SPRED1: variants seen among roughly 807,000 people sequenced by gnomAD.
SPRED1 encodes the protein sprouty-related, EVH1 domain-containing protein 1.
A neutral mutation model predicts 52.3 loss-of-function variants in SPRED1; 18 were observed. That is an observed-to-expected ratio of 0.34 (90% confidence interval 0.24 to 0.51). The LOEUF is 0.51. Ranked by LOEUF, SPRED1 falls within the 20% of genes least tolerant of loss-of-function variation. The probability of loss-of-function intolerance (pLI) is 0.97; values close to 1 mark genes in which losing one functional copy is unlikely to be tolerated. For missense variants in SPRED1, 485 were observed against 551.0 expected (o/e 0.88, Z 1.20); for synonymous variants, 155 against 179.7 (o/e 0.86, Z 1.10).
At chr15:38,336,827 G>A (rs571325995) in intron 4 of SPRED1, among the ~76,000 whole-genome samples, 2 of 152,026 alleles carry the variant, frequency 1.3e-5, no homozygotes, top group East Asian at 3.9e-4. Flanking sequence ...CTACACATTG[G>A]GTACAGTGTA....
Position 38,326,524 on chromosome 15 carries a change from T to G in SPRED1, c.423+1715T>G, listed in dbSNP as rs76747446. Among the ~76,000 whole-genome samples the G allele has an allele frequency of 9.2e-5, 14 of 152,308 alleles. No individual in the cohort carries two copies. In the East Asian group the frequency reaches 2.5e-3, roughly 27 times the overall value. On this transcript the variant is annotated intron_variant, in intron 4 of 6. Coordinates refer to ENST00000299084, the MANE Select transcript of SPRED1 (RefSeq NM_152594.3). ...GAGTGTAAATTCCTTTGTTAAGACC[T>G]CAGGAGGATTTAAGATGAACCTCAG...
intron 2 of SPRED1, among the ~76,000 whole-genome samples, chr15:38,318,665 T>TA (rs1224250204): frequency 1.3e-5 from 2 of 152,162 alleles, no homozygotes; most frequent in Non-Finnish European, 2.9e-5. Context: ...AGCTCCCTCT[T>TA]ATAAGTAAGA....
Position 38,322,257 on chromosome 15 carries a change from T to C in SPRED1, c.224T>C (p.Met75Thr). The part of the protein sequence containing the change: ...LRDKMVVLEC[M>T]LKKDLIYNKV... ...TTTTGTCAGGTGGTTTTGGAATGTA[T>C]GCTTAAAAAAGACCTCATTTATAAT... Residue 75 changes from methionine (M) to threonine (T), a missense_variant, in exon 3 of 7, where the codon ATG becomes ACG. Around this residue, in one of 5 missense-constraint regions of SPRED1, gnomAD observed 232 missense variants for 231.8 expected, o/e 1.00. Transcript: ENST00000299084. 1 of 1,613,822 alleles carries C rather than the reference T, an allele frequency of 6.2e-7. No individual in the cohort carries two copies. The highest frequency in any genetic ancestry group is 1.1e-5 in the South Asian group (1 of 91,076).
rs886051115 is a variant in SPRED1 at position 38,354,507 on chromosome 15, A to C, written c.*2843A>C. 9 of 152,180 alleles carry C rather than the reference A, an allele frequency of 5.9e-5. No individual in the cohort carries two copies. The highest frequency in any genetic ancestry group is 1.0e-4 in the Non-Finnish European group (7 of 68,018). 9.4% of individuals were successfully genotyped at this position (152,180 alleles called of 1,614,324 possible). Reference sequence around the variant, plus strand: ...GAAGAAGTATGTCGTGTGGAGCTTCAGCACCACCTACTGGATGATTTCCAG... The same window carrying C: ...GAAGAAGTATGTCGTGTGGAGCTTCCGCACCACCTACTGGATGATTTCCAG... On this transcript the variant is annotated 3_prime_UTR_variant, in exon 7 of 7. Transcript: ENST00000299084.
At chr15:38,265,190 C>G (rs188628117) in intron 1 of SPRED1, among the ~76,000 whole-genome samples, 1 of 152,156 alleles carries the variant, frequency 6.6e-6, no homozygotes, top group Admixed American at 6.5e-5. Flanking sequence ...TGGCAAATAA[C>G]ATAACCTGTC....
chr15:38,336,995 C>T (rs1322443324), intron 4 of SPRED1, among the ~76,000 whole-genome samples: 1 of 152,126 alleles, frequency 6.6e-6, no homozygotes, highest in East Asian at 1.9e-4. Context: ...GTGCCTAAAG[C>T]TTTTTCCATT....
Position 38,316,748 on chromosome 15 carries a change from G to GGTTTTTTTTTTT in SPRED1, c.208-5493_208-5492insGTTTTTTTTTTT. 1.2e-3 allele frequency among the ~76,000 whole-genome samples: 51 copies of GGTTTTTTTTTTT among 41,906 alleles called. 9 individuals are homozygous for GGTTTTTTTTTTT. Among genetic ancestry groups the GGTTTTTTTTTTT allele is most frequent in the East Asian group, 7.6e-3 (5 of 654 alleles). 27.5% of individuals were successfully genotyped at this position (41,906 alleles called of 152,430 possible). A position where few individuals can be genotyped will look rare whatever the true frequency, so the allele number is the denominator to read the frequency against. ...TCTAGTTTACAATTTTCCATTATAT[G>GGTTTTTTTTTTT]TTTTTTTTTTTTTTTTTTTTTTTTG... On this transcript the variant is annotated intron_variant, in intron 2 of 6. Coordinates refer to ENST00000299084, the MANE Select transcript of SPRED1 (RefSeq NM_152594.3).
intron 1 of SPRED1, among the ~76,000 whole-genome samples, chr15:38,293,680 C>G (rs1894970538): frequency 6.6e-6 from 1 of 152,134 alleles, no homozygotes; most frequent in Non-Finnish European, 1.5e-5. Context: ...CCTGTGGTCT[C>G]TTTATCGTGA....
At chr15:38,269,398 A>G (rs1446315392) in intron 1 of SPRED1, among the ~76,000 whole-genome samples, 1 of 152,160 alleles carries the variant, frequency 6.6e-6, no homozygotes, top group Admixed American at 6.5e-5. Flanking sequence ...GCCTGCCGCC[A>G]TGCCCAGTAA....
Position 38,255,565 on chromosome 15 carries a change from T to C in SPRED1, c.32+2348T>C, listed in dbSNP as rs570292582. 7.2e-5 allele frequency among the ~76,000 whole-genome samples: 11 copies of C among 152,322 alleles called. No individual in the cohort carries two copies. The South Asian group carries it at 1.9e-3, about 26-fold the overall frequency. On this transcript the variant is annotated intron_variant, in intron 1 of 6. Coordinates refer to ENST00000299084, the MANE Select transcript of SPRED1 (RefSeq NM_152594.3). The stretch of plus-strand genomic sequence containing the variant: ...ATAATCAGTTTTACTAGAGCCAGCA[T>C]TGTTTGCTTGTGCATTAGATAAACC...
intron 2 of SPRED1, among the ~76,000 whole-genome samples, chr15:38,319,978 A>G (rs1448223913): frequency 2.0e-5 from 3 of 152,212 alleles, no homozygotes; most frequent in Non-Finnish European, 4.4e-5. Flanking sequence ...AGAAATGAGC[A>G]GCAGTGTGGC....
intron 1 of SPRED1, among the ~76,000 whole-genome samples, chr15:38,255,290 A>G (rs1349735670): frequency 6.6e-6 from 1 of 152,042 alleles, no homozygotes; most frequent in Non-Finnish European, 1.5e-5. Context: ...TTTTTTTTTC[A>G]TCTAAATGTA....
intron 1 of SPRED1, among the ~76,000 whole-genome samples, chr15:38,277,816 G>A (rs1894590014): frequency 6.6e-6 from 1 of 151,990 alleles, no homozygotes; most frequent in Non-Finnish European, 1.5e-5. Flanking sequence ...TTCTGCTGGT[G>A]TGAAATGGTA....
chr15:38,258,009 C>G (rs938818110), intron 1 of SPRED1, among the ~76,000 whole-genome samples: 1 of 152,158 alleles, frequency 6.6e-6, no homozygotes, highest in Non-Finnish European at 1.5e-5. Context: ...TCAGTAGGAA[C>G]AGGAACGACA....
At chr15:38,329,046 T>G (rs1370212226) in intron 4 of SPRED1, among the ~76,000 whole-genome samples, 1 of 152,142 alleles carries the variant, frequency 6.6e-6, no homozygotes. Context: ...TGTTGTTTAA[T>G]GCTAGCTTAT....
chr15:38,299,295 G>A (rs781022987), intron 1 of SPRED1, 78 bp from the exon 2 acceptor site: 22 of 1,475,842 alleles, frequency 1.5e-5, no homozygotes, highest in Non-Finnish European at 1.9e-5. Flanking sequence ...GTGTTCTTTG[G>A]TTTCTCAAAC....
intron 1 of SPRED1, among the ~76,000 whole-genome samples, chr15:38,293,446 T>A (rs1894965968): frequency 6.6e-6 from 1 of 152,178 alleles, no homozygotes; most frequent in Non-Finnish European, 1.5e-5. Context: ...AACCTAGATC[T>A]GACTTGTTAT....
At chr15:38,270,597 G>A (rs1414254898) in intron 1 of SPRED1, among the ~76,000 whole-genome samples, 2 of 152,056 alleles carry the variant, frequency 1.3e-5, no homozygotes, top group Non-Finnish European at 2.9e-5. Flanking sequence ...GAGCCAAGTG[G>A]GAAGTGCTAC....
intron 1 of SPRED1, among the ~76,000 whole-genome samples, chr15:38,276,348 G>A (rs1440916018): frequency 1.3e-5 from 2 of 151,320 alleles, no homozygotes; most frequent in African/African-American, 2.4e-5. Flanking sequence ...ATATAAATAT[G>A]CGGAAGTGTT....
Sources: allele counts gnomAD v4.1 joint callset (sites outside exome capture counted in the v4.1 genomes callset), GRCh38; gene constraint gnomAD v4.1.1; regional missense constraint gnomAD v4.1.1; transcripts MANE v1.5; gene names NCBI Gene and HGNC (gene_info 2026-07-23, HGNC 2026-07-21).